Variants in KIAA1671 observed in about 807,000 individuals in gnomAD.
The protein encoded by KIAA1671 is KIAA1671.
A neutral mutation model predicts 131.2 loss-of-function variants in KIAA1671; 52 were observed. That is an observed-to-expected ratio of 0.40 (90% CI 0.32 to 0.50). KIAA1671 has a LOEUF of 0.50. KIAA1671 is among the 20% of genes least tolerant of loss of function. KIAA1671 has a pLI of 0.73. For missense variants in KIAA1671, 2,360 were observed against 2,364.2 expected (o/e 1.00, Z 0.04); for synonymous variants, 1,003 against 961.6 (o/e 1.04, Z -0.80).
intron 1 of KIAA1671, among the ~76,000 whole-genome samples, chr22:25,005,679 C>T (rs1924711594): frequency 6.6e-6 from 1 of 152,234 alleles, no homozygotes. Flanking sequence ...CCAAAATAAA[C>T]TCTTGTCAGT....
intron 6 of KIAA1671, among the ~76,000 whole-genome samples, chr22:25,078,952 G>C (rs894965851): frequency 6.6e-6 from 1 of 152,090 alleles, no homozygotes; most frequent in Admixed American, 6.5e-5. Flanking sequence ...AGAGCATGGG[G>C]CCTCGAGCAA....
At chr22:25,115,417 A>G (rs1197583854) in intron 6 of KIAA1671, among the ~76,000 whole-genome samples, 1 of 152,182 alleles carries the variant, frequency 6.6e-6, no homozygotes, top group African/African-American at 2.4e-5. Flanking sequence ...AAACTGAGTG[A>G]CCTTGGGCAG....
At chr22:25,135,062 G>C (rs929878244) in intron 6 of KIAA1671, among the ~76,000 whole-genome samples, 4 of 152,130 alleles carry the variant, frequency 2.6e-5, no homozygotes, top group Admixed American at 6.5e-5. Flanking sequence ...TGACAGTAAG[G>C]CATTTGTTTG....
rs1363837979 is a variant in KIAA1671, at chr22:25,047,617, C to T, written c.4396-1613C>T. On this transcript the variant is annotated intron_variant, in intron 5 of 12. Coordinates refer to ENST00000358431, the MANE Select transcript of KIAA1671 (RefSeq NM_001145206.2). ...CCTTCCAAGTAGCTGGGATTACAGG[C>T]GCTCGCCACCATGCCTGGCTAATTT... is the stretch of plus-strand genomic sequence containing the variant. Among the ~76,000 whole-genome samples, 12 of 152,208 alleles carry T rather than the reference C, an allele frequency of 7.9e-5. No homozygotes were observed. The South Asian group carries it at 1.9e-3, about 24-fold the overall frequency.
chr22:25,161,832 A>G (rs190163007), intron 6 of KIAA1671, among the ~76,000 whole-genome samples: 2 of 152,240 alleles, frequency 1.3e-5, no homozygotes, highest in East Asian at 3.9e-4. Flanking sequence ...TGACCAGAGC[A>G]CTGGCCAGGG....
intron 1 of KIAA1671, chr22:25,010,934 T>C (rs557780613): frequency 6.6e-6 from 1 of 152,324 alleles, no homozygotes; most frequent in South Asian, 2.1e-4. Flanking sequence ...AGACATCATA[T>C]TCTTGATCCA....
At chr22:25,006,501 A>G (rs972598868) in intron 1 of KIAA1671, among the ~76,000 whole-genome samples, 1 of 152,112 alleles carries the variant, frequency 6.6e-6, no homozygotes, top group Non-Finnish European at 1.5e-5. Flanking sequence ...AACTTCATAG[A>G]GATGTGGGCT....
chr22:24,956,043 G>T (rs922064114), intron 1 of KIAA1671, among the ~76,000 whole-genome samples: 1 of 148,128 alleles, frequency 6.8e-6, no homozygotes, highest in Admixed American at 6.7e-5. Flanking sequence ...AAAAAAAAAA[G>T]AAAAGAAAAA....
In KIAA1671 at chr22:25,193,982, G is replaced by A. The variant is rs752639026; in HGVS notation, c.*1581G>A. ...ATTCATGCCTGCAACTGCTTCAGTC[G>A]AATTCTTTTTTAAAGATCCAGTTTA... is the stretch of plus-strand genomic sequence containing the variant. On this transcript the variant is annotated 3_prime_UTR_variant, in exon 13 of 13. Coordinates refer to ENST00000358431, the MANE Select transcript of KIAA1671 (RefSeq NM_001145206.2). 1.3e-5 allele frequency: 2 copies of A among 152,122 alleles called. No individual in the cohort carries two copies. Among genetic ancestry groups the A allele is most frequent in the African/African-American group, 2.4e-5 (1 of 41,408 alleles). 9.4% of individuals were successfully genotyped at this position (152,122 alleles called of 1,614,324 possible).
At position 25,039,962 on chromosome 22, in the gene KIAA1671, G is replaced by GGACA. The variant is rs1926822189; in HGVS notation, c.2835_2838dup (p.Trp947GlnfsTer14). 3.2e-6 allele frequency: 5 copies of GGACA among 1,551,312 alleles called. No homozygotes were observed. Among genetic ancestry groups the GGACA allele is most frequent in the Non-Finnish European group, 4.4e-6 (5 of 1,146,798 alleles). On this transcript the variant is annotated frameshift_variant, in exon 5 of 13. Coordinates refer to ENST00000358431, the MANE Select transcript of KIAA1671 (RefSeq NM_001145206.2). LOFTEE classifies it high-confidence loss of function. ...AAGCCGGCGCCATGGACCAGAGAATGGACAGATGGCGGCGGCGGACTTTAC... is the reference window on the plus strand; with the variant it reads ...AAGCCGGCGCCATGGACCAGAGAATGGACAGACAGATGGCGGCGGCGGACTTTAC...
intron 6 of KIAA1671, among the ~76,000 whole-genome samples, chr22:25,115,910 G>A (rs1931630426): frequency 6.6e-6 from 1 of 152,084 alleles, no homozygotes; most frequent in Non-Finnish European, 1.5e-5. Context: ...CCCAGTAGCT[G>A]GGATTACAGG....
rs1926002602 is a variant in KIAA1671 at position 25,027,293 on chromosome 22, G to T, written c.-55-652G>T. Among the ~76,000 whole-genome samples the T allele has an allele frequency of 2.6e-5, 4 of 152,318 alleles. No individual in the cohort carries two copies. In the South Asian group the frequency reaches 8.3e-4, roughly 32 times the overall value. On this transcript the variant is annotated intron_variant, in intron 2 of 12. Transcript: ENST00000358431. Reference sequence around the variant, plus strand: ...TGATTGGGTGGGGTTGGTGCCTAGGGCATGGGTTCCAAGGTCACTAACCAG... The same window carrying T: ...TGATTGGGTGGGGTTGGTGCCTAGGTCATGGGTTCCAAGGTCACTAACCAG...
At chr22:25,094,099 A>G (rs905181978) in intron 6 of KIAA1671, among the ~76,000 whole-genome samples, 2 of 152,148 alleles carry the variant, frequency 1.3e-5, no homozygotes, top group Admixed American at 1.3e-4. Flanking sequence ...TTGTTTTCGA[A>G]GAAAGCGAAC....
At chr22:25,076,506 A>T (rs1929116489) in intron 6 of KIAA1671, among the ~76,000 whole-genome samples, 1 of 152,090 alleles carries the variant, frequency 6.6e-6, no homozygotes, top group Non-Finnish European at 1.5e-5. Context: ...GGGGGGAGAA[A>T]CCACTATCAC....
At chr22:25,165,790 T>TGGA (rs1304997074) in intron 6 of KIAA1671, among the ~76,000 whole-genome samples, 1 of 151,440 alleles carries the variant, frequency 6.6e-6, no homozygotes, top group African/African-American at 2.4e-5. Context: ...AATGGTAACT[T>TGGA]GGAGGTGGTG....
intron 1 of KIAA1671, among the ~76,000 whole-genome samples, chr22:24,985,778 G>C (rs1388098813): frequency 6.6e-6 from 1 of 151,764 alleles, no homozygotes; most frequent in Non-Finnish European, 1.5e-5. Flanking sequence ...GTATGGTGAG[G>C]GGAGAGAGAG....
intron 1 of KIAA1671, among the ~76,000 whole-genome samples, chr22:24,968,751 G>T (rs182987434): frequency 2.0e-5 from 3 of 152,116 alleles, no homozygotes; most frequent in Admixed American, 1.3e-4. Context: ...TGGGGGACCC[G>T]CCTGCTTACT....
At chr22:25,119,332 C>CA (rs1209556959) in intron 6 of KIAA1671, among the ~76,000 whole-genome samples, 1 of 152,156 alleles carries the variant, frequency 6.6e-6, no homozygotes, top group East Asian at 1.9e-4. Flanking sequence ...CTCCCAGTCT[C>CA]ATCTGATCTC....
chr22:25,076,103 A>G (rs1339768131), intron 6 of KIAA1671, among the ~76,000 whole-genome samples: 3 of 152,196 alleles, frequency 2.0e-5, no homozygotes, highest in African/African-American at 7.2e-5. Context: ...TTGTGTGTCC[A>G]CTGGCAGCAT....
Sources: allele counts gnomAD v4.1 joint callset (sites outside exome capture counted in the v4.1 genomes callset), GRCh38; gene constraint gnomAD v4.1.1; transcripts MANE v1.5; gene names NCBI Gene and HGNC (gene_info 2026-07-23, HGNC 2026-07-21).